HIP1: variants seen among roughly 807,000 people sequenced by gnomAD.
The protein encoded by HIP1 is huntingtin interacting protein 1.
In HIP1, 65 loss-of-function variants were observed where a neutral mutation model predicts 147.6. The observed-to-expected ratio is 0.44, with a 90% CI of 0.36 to 0.54. The LOEUF (loss-of-function observed/expected upper bound fraction) is 0.54, where lower values mean the gene tolerates loss of function less well. Ranked by LOEUF, HIP1 falls within the 20% of genes least tolerant of loss-of-function variation. HIP1 has a pLI of 0.00. For synonymous variants in HIP1, 479 were observed against 504.0 expected, an observed-to-expected ratio of 0.95 and a Z score of 0.67; for missense variants, 1,061 against 1,299.6, an observed-to-expected ratio of 0.82 and a Z score of 2.82.
At chr7:75,684,274 G>A (rs1167971352) in intron 1 of HIP1, among the ~76,000 whole-genome samples, 2 of 151,356 alleles carry the variant, frequency 1.3e-5, no homozygotes, top group Admixed American at 6.6e-5. Context: ...TGGTGAAACC[G>A]TGTCTCTACT....
Position 75,557,760 on chromosome 7 carries a change from A to G in HIP1, c.1475T>C (p.Val492Ala), listed in dbSNP as rs1554493734. 1.9e-6 allele frequency: 3 copies of G among 1,612,998 alleles called. No homozygotes were observed. The highest frequency in any genetic ancestry group is 2.5e-6 in the Non-Finnish European group (3 of 1,179,062). ...HADLLRKNAE[V>A]TKQVSMARQA... ...TCTGGCCATGGACACCTGTTTGGTC[A>G]CCTCTGCATTCTGCAAAAGAAGAAC... The change falls in exon 16 of 31, where the codon GTG becomes GCG. Residue 492 changes from valine to alanine, a missense_variant. Val to Ala is a moderately conservative substitution (Grantham distance 64). Coordinates refer to ENST00000336926, the MANE Select transcript of HIP1 (RefSeq NM_005338.7).
At chr7:75,699,431 T>C (rs1800745997) in intron 1 of HIP1, among the ~76,000 whole-genome samples, 1 of 152,166 alleles carries the variant, frequency 6.6e-6, no homozygotes, top group African/African-American at 2.4e-5. Flanking sequence ...GGGTTTTCAG[T>C]GGATAGAACA....
intron 1 of HIP1, among the ~76,000 whole-genome samples, chr7:75,681,191 G>A (rs1314617830): frequency 6.6e-6 from 1 of 152,134 alleles, no homozygotes; most frequent in African/African-American, 2.4e-5. Context: ...GGGATTACGG[G>A]CATGAGCCAC....
At chr7:75,594,815 T>G (rs1796630085) in intron 2 of HIP1, among the ~76,000 whole-genome samples, 1 of 152,230 alleles carries the variant, frequency 6.6e-6, no homozygotes, top group Non-Finnish European at 1.5e-5. Context: ...TGATTTTAAG[T>G]TCGGCTATTC....
At chr7:75,669,519 G>A (rs1799673622) in intron 1 of HIP1, among the ~76,000 whole-genome samples, 1 of 152,086 alleles carries the variant, frequency 6.6e-6, no homozygotes, top group African/African-American at 2.4e-5. Flanking sequence ...CCAAGCTTGT[G>A]CCACTGCACT....
intron 18 of HIP1, among the ~76,000 whole-genome samples, 163 bp from the exon 19 acceptor site, chr7:75,555,714 A>G (rs1584791197): frequency 2.0e-5 from 3 of 152,092 alleles, no homozygotes. Context: ...TGTGCACAGG[A>G]TGTGCGGCTG....
chr7:75,592,359 C>T lies in HIP1; in HGVS notation c.327+13G>A. 1 of 1,599,452 alleles carries T rather than the reference C, an allele frequency of 6.3e-7. No individual in the cohort carries two copies. The highest frequency in any genetic ancestry group is 2.2e-5 in the East Asian group (1 of 44,800). Reference sequence around the variant, plus strand: ...CCCTGGCTCCCTGCCACCCCATAGCCCCAGGAACTCACGTTCGGGTGTCCA... The same window carrying T: ...CCCTGGCTCCCTGCCACCCCATAGCTCCAGGAACTCACGTTCGGGTGTCCA... On this transcript the variant is annotated intron_variant, in intron 3 of 30. Transcript: ENST00000336926.
chr7:75,687,073 T>A (rs782420979), intron 1 of HIP1, among the ~76,000 whole-genome samples: 1 of 152,128 alleles, frequency 6.6e-6, no homozygotes, highest in Non-Finnish European at 1.5e-5. Flanking sequence ...TCTGTTCTGG[T>A]CTCTGAAGTT....
intron 1 of HIP1, among the ~76,000 whole-genome samples, chr7:75,671,771 C>T (rs1301327348): frequency 6.6e-6 from 1 of 151,388 alleles, no homozygotes; most frequent in Non-Finnish European, 1.5e-5. Context: ...TGGAGTCTCG[C>T]TCTACCAGGC....
At chr7:75,574,045 A>C in intron 7 of HIP1, 144 bp from the exon 8 acceptor site, 1 of 624,712 alleles carries the variant, frequency 1.6e-6, no homozygotes, top group Non-Finnish European at 2.8e-6. Flanking sequence ...TAACCTTCAC[A>C]ACACTCCCAT....
At chr7:75,716,438 G>T (rs1563310044) in intron 1 of HIP1, among the ~76,000 whole-genome samples, 1 of 151,112 alleles carries the variant, frequency 6.6e-6, no homozygotes, top group Non-Finnish European at 1.5e-5. Flanking sequence ...GCCCAGGCTG[G>T]TCTTGAACTC....
At position 75,600,864 on chromosome 7, in the gene HIP1, G is replaced by A. The variant is rs587727498; in HGVS notation, c.121-1617C>T. Reference sequence around the variant, plus strand: ...CAGCCTCCAACTCCTGGGCTCTAGCGATTCTCCTGCCTCAGCCTCCTGAGT... The same window carrying A: ...CAGCCTCCAACTCCTGGGCTCTAGCAATTCTCCTGCCTCAGCCTCCTGAGT... On this transcript the variant is annotated intron_variant, in intron 1 of 30. Transcript: ENST00000336926. Among the ~76,000 whole-genome samples, 13 of 152,026 alleles carry A rather than the reference G, an allele frequency of 8.6e-5. No individual in the cohort carries two copies. The East Asian group carries it at 1.6e-3, about 18-fold the overall frequency.
intron 1 of HIP1, among the ~76,000 whole-genome samples, chr7:75,631,375 G>C (rs1477338057): frequency 6.6e-6 from 1 of 152,152 alleles, no homozygotes; most frequent in Non-Finnish European, 1.5e-5. Flanking sequence ...CAACTAACTT[G>C]TCTACGATCT....
intron 1 of HIP1, among the ~76,000 whole-genome samples, chr7:75,639,928 G>A (rs1223033270): frequency 1.3e-5 from 2 of 152,180 alleles, no homozygotes; most frequent in East Asian, 1.9e-4. Context: ...CCTCCCACGT[G>A]AGCCACAGCC....
chr7:75,723,895 G>A (rs375736402), intron 1 of HIP1, among the ~76,000 whole-genome samples: 1 of 151,860 alleles, frequency 6.6e-6, no homozygotes, highest in African/African-American at 2.4e-5. Context: ...GACTATAGGT[G>A]TGTGTCAGTG....
At chr7:75,614,953 A>C (rs1554505692) in intron 1 of HIP1, among the ~76,000 whole-genome samples, 1 of 151,774 alleles carries the variant, frequency 6.6e-6, no homozygotes, top group African/African-American at 2.4e-5. Flanking sequence ...TTGTATTTTT[A>C]GTGGAGACGG....
chr7:75,574,014 C>G, intron 7 of HIP1, 113 bp from the exon 8 acceptor site: 1 of 808,304 alleles, frequency 1.2e-6, no homozygotes. Context: ...TCTGTGCGTG[C>G]TTTACCTCAT....
At chr7:75,610,867 T>A (rs1160132485) in intron 1 of HIP1, among the ~76,000 whole-genome samples, 1 of 147,584 alleles carries the variant, frequency 6.8e-6, no homozygotes, top group Non-Finnish European at 1.5e-5. Context: ...TATTTATATA[T>A]ATTAAAATTT....
At chr7:75,719,525 T>C (rs1033940030) in intron 1 of HIP1, among the ~76,000 whole-genome samples, 120 of 151,062 alleles carry the variant, frequency 7.9e-4, no homozygotes, top group African/African-American at 2.7e-3. Flanking sequence ...AAAAGAAGAC[T>C]AATAGGAGCT....
Sources: allele counts gnomAD v4.1 joint callset (sites outside exome capture counted in the v4.1 genomes callset), GRCh38; gene constraint gnomAD v4.1.1; transcripts MANE v1.5; gene names NCBI Gene and HGNC (gene_info 2026-07-23, HGNC 2026-07-21).